CSMD1: variants seen among roughly 807,000 people sequenced by gnomAD.
The protein encoded by CSMD1 is CUB and sushi domain-containing protein 1.
In CSMD1, 213 loss-of-function variants were observed where a neutral mutation model predicts 417.5. The ratio of observed to expected loss-of-function variants is 0.51; its 90% CI spans 0.46 to 0.57. CSMD1 has a LOEUF of 0.57. Among genes scored for constraint, CSMD1 ranks in the 20% least tolerant of loss-of-function variants. CSMD1 has a pLI of 0.00. For synonymous variants in CSMD1, 2,862 were observed against 1,736.8 expected, an observed-to-expected ratio of 1.65 and a Z score of -16.11; for missense variants, 6,923 against 4,529.7, an observed-to-expected ratio of 1.53 and a Z score of -15.17.
chr8:4,219,600 C>G (rs111870856), intron 3 of CSMD1, among the ~76,000 whole-genome samples: 1 of 152,098 alleles, frequency 6.6e-6, no homozygotes, highest in African/African-American at 2.4e-5. Flanking sequence ...CTACGGTTGG[C>G]TCCAACCCAA....
At chr8:4,579,512 G>A (rs761934133) in intron 2 of CSMD1, among the ~76,000 whole-genome samples, 37 of 151,664 alleles carry the variant, frequency 2.4e-4, no homozygotes, top group African/African-American at 5.6e-4. Flanking sequence ...ACAGGCACCC[G>A]CCACCACGCC....
rs79528386 is a variant in CSMD1, at chr8:4,971,189, A to G, written c.85+23143T>C. Among the ~76,000 whole-genome samples the G allele has an allele frequency of 1.3e-3, 199 of 152,186 alleles. 4 individuals are homozygous for G. In the East Asian group the frequency reaches 0.022, roughly 17 times the overall value. On this transcript the variant is annotated intron_variant, in intron 1 of 69. Coordinates refer to ENST00000635120, the MANE Select transcript of CSMD1 (RefSeq NM_033225.6). ...TAGTTTTTGAACTCAAAAACAAAGC[A>G]TATGCTGACATAATGATATTAATGA...
rs1798821220 is a variant in CSMD1, at chr8:3,668,505, T to G, written c.1009+39909A>C. On this transcript the variant is annotated intron_variant, in intron 7 of 69. Transcript: ENST00000635120. ...TATTACAAGGAGAACGGAGAGAGTTTGTCTGACTGGGCATTGTACACCTTG... is the reference window on the plus strand; with the variant it reads ...TATTACAAGGAGAACGGAGAGAGTTGGTCTGACTGGGCATTGTACACCTTG... Among the ~76,000 whole-genome samples the G allele has an allele frequency of 2.6e-5, 4 of 152,184 alleles. 1 individual carries two copies. The South Asian group carries it at 8.3e-4, about 32-fold the overall frequency.
intron 10 of CSMD1, among the ~76,000 whole-genome samples, chr8:3,569,198 A>C (rs928360434): frequency 6.6e-6 from 1 of 152,192 alleles, no homozygotes; most frequent in African/African-American, 2.4e-5. Flanking sequence ...CTGAATAGAA[A>C]ATGCTAGTTT....
At position 4,467,391 on chromosome 8, in the gene CSMD1, A is replaced by G. The variant is rs186032623; in HGVS notation, c.303-47326T>C. 6.0e-4 allele frequency among the ~76,000 whole-genome samples: 92 copies of G among 152,166 alleles called. No homozygotes were observed. In the East Asian group the frequency reaches 0.017, roughly 28 times the overall value. ...ATTCAAATGTCCTCATTCCCTGCTCATCTCCTCCATTTTTCTCTTTTTCCG... is the reference window on the plus strand; with the variant it reads ...ATTCAAATGTCCTCATTCCCTGCTCGTCTCCTCCATTTTTCTCTTTTTCCG... On this transcript the variant is annotated intron_variant, in intron 2 of 69. Coordinates refer to ENST00000635120, the MANE Select transcript of CSMD1 (RefSeq NM_033225.6).
intron 26 of CSMD1, among the ~76,000 whole-genome samples, chr8:3,233,981 C>A (rs1460137918): frequency 6.6e-6 from 1 of 152,164 alleles, no homozygotes; most frequent in Non-Finnish European, 1.5e-5. Context: ...ATGTCTCTGT[C>A]AACATCGATG....
At chr8:3,998,180 A>G (rs1034525897) in intron 4 of CSMD1, 70 bp from the exon 5 acceptor site, 15 of 1,345,310 alleles carry the variant, frequency 1.1e-5, no homozygotes, top group Admixed American at 4.3e-5. Context: ...GTGTCCACCA[A>G]GTGTCACTCT....
chr8:4,589,898 C>T (rs1162873311), intron 2 of CSMD1, among the ~76,000 whole-genome samples: 1 of 152,182 alleles, frequency 6.6e-6, no homozygotes, highest in African/African-American at 2.4e-5. Flanking sequence ...GACCTGCCTT[C>T]TGACACCATA....
At chr8:4,641,242 A>C (rs1325100698) in intron 1 of CSMD1, among the ~76,000 whole-genome samples, 1 of 152,070 alleles carries the variant, frequency 6.6e-6, no homozygotes, top group Non-Finnish European at 1.5e-5. Context: ...ACCTGAACAC[A>C]TGCCATAATT....
chr8:4,780,414 G>C (rs896945956), intron 1 of CSMD1, among the ~76,000 whole-genome samples: 1 of 142,654 alleles, frequency 7.0e-6, no homozygotes, highest in East Asian at 2.4e-4. Flanking sequence ...TTGATCAGTC[G>C]ATCTGTCTGT....
chr8:3,832,322 C>A (rs1421375920), intron 5 of CSMD1, among the ~76,000 whole-genome samples: 2 of 152,082 alleles, frequency 1.3e-5, no homozygotes, highest in Admixed American at 6.6e-5. Flanking sequence ...CAATGATGTT[C>A]CTTGTTCAAA....
At chr8:4,500,257 G>C (rs1317324235) in intron 2 of CSMD1, among the ~76,000 whole-genome samples, 1 of 152,164 alleles carries the variant, frequency 6.6e-6, no homozygotes, top group African/African-American at 2.4e-5. Context: ...AGAGATCATA[G>C]AAATGGATCG....
chr8:3,468,538 A>T (rs189121093), intron 12 of CSMD1, among the ~76,000 whole-genome samples, 174 bp downstream of exon 12: 3 of 152,304 alleles, frequency 2.0e-5, no homozygotes, highest in East Asian at 3.9e-4. Context: ...GAAGTTAAAC[A>T]TTCTCATTCA....
rs187364021 is a variant in CSMD1, at chr8:4,723,419, T to G, written c.86-85861A>C. On this transcript the variant is annotated intron_variant, in intron 1 of 69. Coordinates refer to ENST00000635120, the MANE Select transcript of CSMD1 (RefSeq NM_033225.6). ...TGAAAACAAAAAGAGGGTTTAATAC[T>G]TTGGAGTACATAATAATGTGAAATA... 6.4e-3 allele frequency among the ~76,000 whole-genome samples: 976 copies of G among 152,230 alleles called. 9 individuals are homozygous for G. The highest frequency in any genetic ancestry group is 0.027 in the Middle Eastern group (8 of 294).
chr8:3,960,003 G>A (rs761154930), intron 5 of CSMD1, among the ~76,000 whole-genome samples: 40 of 152,164 alleles, frequency 2.6e-4, no homozygotes, highest in Admixed American at 2.5e-3. Context: ...CAGTATGTGC[G>A]TGAAGCTATT....
chr8:4,423,005 A>C (rs1408874938), intron 2 of CSMD1, among the ~76,000 whole-genome samples: 1 of 152,082 alleles, frequency 6.6e-6, no homozygotes, highest in African/African-American at 2.4e-5. Flanking sequence ...TCTCAGTAAC[A>C]TATGATTGGA....
intron 23 of CSMD1, among the ~76,000 whole-genome samples, chr8:3,309,901 C>T (rs1805192965): frequency 6.6e-6 from 1 of 152,154 alleles, no homozygotes; most frequent in African/African-American, 2.4e-5. Context: ...ATCCTTTGCA[C>T]TCAGTGACTA....
chr8:4,831,916 C>G (rs764641589), intron 1 of CSMD1, among the ~76,000 whole-genome samples: 12 of 152,172 alleles, frequency 7.9e-5, no homozygotes, highest in Middle Eastern at 3.4e-3. Flanking sequence ...AGACACACTC[C>G]CCTGAAAGCT....
At chr8:3,349,846 T>G (rs1248149306) in intron 21 of CSMD1, among the ~76,000 whole-genome samples, 5 of 140,174 alleles carry the variant, frequency 3.6e-5, no homozygotes, top group African/African-American at 1.3e-4. Context: ...TATCTAGATA[T>G]AAATATATAT....
Sources: gnomAD v4.1 joint callset for allele counts (sites outside exome capture counted in the v4.1 genomes callset) on GRCh38, gnomAD v4.1.1 for gene constraint, MANE v1.5 for transcripts, NCBI Gene and HGNC (gene_info 2026-07-23, HGNC 2026-07-21) for gene names.